Variants in CTNNA3 observed in about 807,000 individuals in gnomAD.
The protein encoded by CTNNA3 is catenin alpha 3.
In CTNNA3, 76 loss-of-function variants were observed where a neutral mutation model predicts 95.7. The ratio of observed to expected loss-of-function variants is 0.79; its 90% CI spans 0.66 to 0.96. The LOEUF is 0.96. Among genes scored for constraint, CTNNA3 ranks in the 40% least tolerant of loss-of-function variants. The pLI is 0.00. For synonymous variants in CTNNA3, 431 were observed against 374.4 expected, an observed-to-expected ratio of 1.15 and a Z score of -1.74; for missense variants, 1,191 against 1,089.8, an observed-to-expected ratio of 1.09 and a Z score of -1.31.
At chr10:66,252,703 G>A (rs4746565) in intron 13 of CTNNA3, among the ~76,000 whole-genome samples, 67,948 of 151,982 alleles carry the variant, frequency 0.45, 16,336 homozygotes, top group African/African-American at 0.63. Flanking sequence ...TAGATAAAGT[G>A]AAGCGGGTCT....
intron 9 of CTNNA3, among the ~76,000 whole-genome samples, chr10:66,736,822 T>C (rs1456131722): frequency 6.6e-6 from 1 of 152,290 alleles, no homozygotes; most frequent in South Asian, 2.1e-4. Flanking sequence ...AGTTTTCAAA[T>C]AGATTTAGGT....
At chr10:67,687,726 A>G (rs1840761377) in intron 1 of CTNNA3, among the ~76,000 whole-genome samples, 1 of 152,194 alleles carries the variant, frequency 6.6e-6, no homozygotes, top group Non-Finnish European at 1.5e-5. Flanking sequence ...GTCGGGTGAC[A>G]GGAGAGTATA....
Position 67,529,136 on chromosome 10 carries a change from A to G in CTNNA3, c.460-7175T>C, listed in dbSNP as rs571670518. Among the ~76,000 whole-genome samples the G allele has an allele frequency of 7.9e-5, 12 of 152,228 alleles. No homozygotes were observed. The South Asian group carries it at 2.3e-3, about 29-fold the overall frequency. On this transcript the variant is annotated intron_variant, in intron 4 of 17. Transcript: ENST00000433211. ...AAACATCATGTTATATACCATAAAT[A>G]TATATAATTTTTACTTGTCAAAATA...
chr10:66,891,055 T>C (rs1353187733), intron 7 of CTNNA3, among the ~76,000 whole-genome samples: 1 of 152,172 alleles, frequency 6.6e-6, no homozygotes, highest in Non-Finnish European at 1.5e-5. Context: ...CCTCATGGAC[T>C]TGTGAGTGGA....
intron 10 of CTNNA3, among the ~76,000 whole-genome samples, chr10:66,553,517 CTT>C (rs753973882): frequency 3.8e-5 from 2 of 52,224 alleles, no homozygotes; most frequent in Non-Finnish European, 6.2e-5. Context: ...CAATACTTTT[CTT>C]TTTTTTTTTT....
At chr10:66,965,232 G>GT (rs869055555) in intron 7 of CTNNA3, among the ~76,000 whole-genome samples, 4 of 150,602 alleles carry the variant, frequency 2.7e-5, no homozygotes, top group South Asian at 2.1e-4. Context: ...TTTTTTTGGG[G>GT]TTTTTTTGTT....
At chr10:67,160,354 C>T (rs4746667) in intron 7 of CTNNA3, among the ~76,000 whole-genome samples, 3,124 of 151,288 alleles carry the variant, frequency 0.021, 88 homozygotes, top group African/African-American at 0.072. Flanking sequence ...TATGATCCAG[C>T]AATCCCGCAT....
chr10:67,642,028 A>G (rs936155226), intron 2 of CTNNA3, among the ~76,000 whole-genome samples: 2 of 152,192 alleles, frequency 1.3e-5, no homozygotes, highest in Non-Finnish European at 2.9e-5. Context: ...AATAATAATT[A>G]AAAAACCCAA....
intron 5 of CTNNA3, among the ~76,000 whole-genome samples, chr10:67,240,663 A>G (rs1865684539): frequency 6.6e-6 from 1 of 152,328 alleles, no homozygotes. Flanking sequence ...CTGAGAAACC[A>G]TATCATAATA....
intron 7 of CTNNA3, among the ~76,000 whole-genome samples, chr10:66,898,786 C>T (rs893832594): frequency 2.3e-4 from 35 of 152,116 alleles, no homozygotes; most frequent in African/African-American, 8.0e-4. Flanking sequence ...TTTCATGACA[C>T]TGAGCTTGGC....
chr10:66,795,767 T>C (rs1003893233), intron 7 of CTNNA3, among the ~76,000 whole-genome samples: 1 of 152,176 alleles, frequency 6.6e-6, no homozygotes, highest in African/African-American at 2.4e-5. Flanking sequence ...TCATCAACGA[T>C]CTTAGCTATT....
chr10:66,178,399 G>GTATATATATATATA (rs71035113), intron 13 of CTNNA3, among the ~76,000 whole-genome samples: 1 of 91,178 alleles, frequency 1.1e-5, no homozygotes, highest in Non-Finnish European at 2.4e-5. Context: ...CCTTGAAAGT[G>GTATATATATATATA]TATATATATA....
At chr10:66,674,921 T>G (rs1223445990) in intron 9 of CTNNA3, among the ~76,000 whole-genome samples, 1 of 151,900 alleles carries the variant, frequency 6.6e-6, no homozygotes, top group Non-Finnish European at 1.5e-5. Flanking sequence ...AAAGTTAAAG[T>G]GGGTAGGAAA....
chr10:67,140,504 T>C (rs1860507428), intron 7 of CTNNA3, among the ~76,000 whole-genome samples: 1 of 152,150 alleles, frequency 6.6e-6, no homozygotes, highest in African/African-American at 2.4e-5. Flanking sequence ...AAATTTAAAA[T>C]AATTTTTTTA....
chr10:67,762,821 T>C (rs1841469448), intron 1 of CTNNA3, among the ~76,000 whole-genome samples: 2 of 152,152 alleles, frequency 1.3e-5, no homozygotes, highest in South Asian at 2.1e-4. Context: ...TTAGGGACAT[T>C]GTATAGAAAA....
intron 11 of CTNNA3, among the ~76,000 whole-genome samples, chr10:66,420,503 T>C (rs2093182135): frequency 6.6e-6 from 1 of 151,590 alleles, no homozygotes; most frequent in Non-Finnish European, 1.5e-5. Flanking sequence ...ACAACCACTA[T>C]TAAAAACAAT....
chr10:66,393,653 G>T (rs2092951250), intron 11 of CTNNA3, among the ~76,000 whole-genome samples: 1 of 151,996 alleles, frequency 6.6e-6, no homozygotes, highest in South Asian at 2.1e-4. Flanking sequence ...ACACCTTCTG[G>T]TTGTCAACTG....
chr10:67,079,464 A>G (rs1229060755), intron 7 of CTNNA3, among the ~76,000 whole-genome samples: 1 of 152,214 alleles, frequency 6.6e-6, no homozygotes, highest in Non-Finnish European at 1.5e-5. Flanking sequence ...ATAAATTCGC[A>G]AATATCTCCC....
chr10:67,337,288 A>G lies in CTNNA3; in HGVS notation c.580-117418T>C, dbSNP rs184095097. Among the ~76,000 whole-genome samples, 168 of 152,304 alleles carry G rather than the reference A, an allele frequency of 1.1e-3. 1 individual carries two copies. Among genetic ancestry groups the G allele is most frequent in the African/African-American group, 3.9e-3 (163 of 41,576 alleles). On this transcript the variant is annotated intron_variant, in intron 5 of 17. Transcript: ENST00000433211. ...GTGAGGGCTTCAAGACTTCAATGGCAGAAGTAACAGTAAATGTAAGAGAAA... is the reference window on the plus strand; with the variant it reads ...GTGAGGGCTTCAAGACTTCAATGGCGGAAGTAACAGTAAATGTAAGAGAAA...
Sources: allele counts gnomAD v4.1 joint callset (sites outside exome capture counted in the v4.1 genomes callset), GRCh38; gene constraint gnomAD v4.1.1; transcripts MANE v1.5; gene names NCBI Gene and HGNC (gene_info 2026-07-23, HGNC 2026-07-21).